Variants in MTSS1 observed in about 807,000 individuals in gnomAD.
The protein encoded by MTSS1 is MTSS I-BAR domain containing 1.
In MTSS1, 18 loss-of-function variants were observed where a neutral mutation model predicts 79.0. The ratio of observed to expected loss-of-function variants is 0.23; its 90% CI spans 0.16 to 0.34. The LOEUF is 0.34. MTSS1 is among the 10% of genes least tolerant of loss of function. The pLI, the probability that MTSS1 is intolerant of heterozygous loss-of-function variation, is 1.00. For missense variants in MTSS1, 815 were observed against 986.2 expected, an observed-to-expected ratio of 0.83 and a Z score of 2.33; for synonymous variants, 341 against 368.6, an observed-to-expected ratio of 0.93 and a Z score of 0.86.
At chr8:124,580,677 T>G in intron 6 of MTSS1, 1 of 1,287,180 alleles carries the variant, frequency 7.8e-7, no homozygotes, top group Admixed American at 2.0e-5. Context: ...TTTCATGTGT[T>G]AAACAGTCCA....
chr8:124,588,627 A>G (rs974897072), intron 5 of MTSS1, among the ~76,000 whole-genome samples: 1 of 152,218 alleles, frequency 6.6e-6, no homozygotes, highest in African/African-American at 2.4e-5. Context: ...GGGTAAGCTT[A>G]TATCATTAAA....
Position 124,704,164 on chromosome 8 carries a change from T to G in MTSS1, c.100A>C (p.Ile34Leu). The change falls in exon 2 of 14, where the codon ATA becomes CTA. Residue 34 changes from isoleucine to leucine, a missense_variant. By Grantham distance (5) the Ile-to-Leu change is conservative (BLOSUM62 2). Transcript: ENST00000518547. ...GACTGCAGCTTTCCTGCTTTGTTTA[T>G]GAAATCTTCCCAAACTGGATAGCTC... is the stretch of plus-strand genomic sequence containing the variant. ...KGSYPVWEDF[I>L]NKAGKLQSQL... is the part of the protein sequence containing the mutation. 6.2e-7 allele frequency: 1 copy of G among 1,614,038 alleles called. No individual in the cohort carries two copies. The highest frequency in any genetic ancestry group is 8.5e-7 in the Non-Finnish European group (1 of 1,179,966).
intron 3 of MTSS1, among the ~76,000 whole-genome samples, chr8:124,595,214 T>C (rs1354061444): frequency 6.6e-6 from 1 of 152,252 alleles, no homozygotes; most frequent in East Asian, 1.9e-4. Context: ...CAAAGTTCTA[T>C]ATTGATTCCT....
chr8:124,657,122 G>T lies in MTSS1; in HGVS notation c.208+42404C>A, dbSNP rs143056568. 3.9e-4 allele frequency among the ~76,000 whole-genome samples: 59 copies of T among 152,320 alleles called. No individual in the cohort carries two copies. The East Asian group carries it at 6.6e-3, about 17-fold the overall frequency. The stretch of plus-strand genomic sequence containing the variant: ...GTTAATTTTGTTAGAAGTGGTAATG[G>T]TATTGTGGTTATGGGTTGGTCTTGT... On this transcript the variant is annotated intron_variant, in intron 3 of 13. Coordinates refer to ENST00000518547, the MANE Select transcript of MTSS1 (RefSeq NM_014751.6).
At chr8:124,577,312 C>T (rs757032282) in intron 6 of MTSS1, among the ~76,000 whole-genome samples, 3 of 152,210 alleles carry the variant, frequency 2.0e-5, no homozygotes, top group Admixed American at 6.5e-5. Flanking sequence ...TGCAGTGGAG[C>T]GATCTCGGCT....
chr8:124,617,356 C>T (rs1217856430), intron 3 of MTSS1, among the ~76,000 whole-genome samples: 3 of 152,136 alleles, frequency 2.0e-5, no homozygotes, highest in Non-Finnish European at 2.9e-5. Flanking sequence ...ATTCAGACCG[C>T]GAGCAGACGT....
At chr8:124,653,666 G>C (rs1820414063) in intron 3 of MTSS1, among the ~76,000 whole-genome samples, 1 of 152,268 alleles carries the variant, frequency 6.6e-6, no homozygotes, top group Non-Finnish European at 1.5e-5. Flanking sequence ...TGAGGTTGCA[G>C]TGAGCCGAGA....
chr8:124,588,840 G>A (rs773866461), intron 5 of MTSS1, among the ~76,000 whole-genome samples: 7 of 151,160 alleles, frequency 4.6e-5, no homozygotes, highest in Admixed American at 6.6e-5. Context: ...TCAGCCTCCC[G>A]AGTAGTTGGG....
rs1261872258 is a variant in MTSS1 at position 124,591,193 on chromosome 8, A to C, written c.251T>G (p.Met84Arg). ...CTTGGCTTCAATGCTTCTGTGCCTC[A>C]TGCACATCCTGGTGAGAGCAGATCC... ...EIGSALTRMCMRHRSIEAKLR... is the reference protein window; with the variant it reads ...EIGSALTRMCRRHRSIEAKLR... Residue 84 changes from methionine (M) to arginine (R), a missense_variant, in exon 4 of 14, where the codon ATG (methionine) becomes AGG (arginine). Met to Arg is a moderately conservative substitution (Grantham distance 91). Around this residue, in one of 2 missense-constraint regions of MTSS1, gnomAD observed 225 missense variants for 365.4 expected, o/e 0.62. Transcript: ENST00000518547. The C allele has an allele frequency of 6.2e-7, 1 of 1,614,240 alleles. No homozygotes were observed. Among genetic ancestry groups the C allele is most frequent in the Admixed American group, 1.7e-5 (1 of 60,026 alleles).
At chr8:124,634,215 T>A (rs1816567904) in intron 3 of MTSS1, among the ~76,000 whole-genome samples, 1 of 151,706 alleles carries the variant, frequency 6.6e-6, no homozygotes, top group South Asian at 2.1e-4. Context: ...GCGCAAGCAA[T>A]CCTCCCACCT....
rs4870903 is a variant in MTSS1 at position 124,557,903 on chromosome 8, G to A, written c.1036-28C>T. The A allele has an allele frequency of 0.72, 1,071,534 of 1,488,946 alleles. 387,522 individuals are homozygous for A. Among genetic ancestry groups the A allele is most frequent in the Non-Finnish European group, 0.73 (803,057 of 1,098,506 alleles). 92.2% of individuals were successfully genotyped at this position (1,488,946 alleles called of 1,614,324 possible). ...GGAAACAAACAAAAAAAGGGGGGGGGAAGGAAAAAAAATTAATATAACAGG... is the reference window on the plus strand; with the variant it reads ...GGAAACAAACAAAAAAAGGGGGGGGAAAGGAAAAAAAATTAATATAACAGG... On this transcript the variant is annotated intron_variant, in intron 10 of 13. Coordinates refer to ENST00000518547, the MANE Select transcript of MTSS1 (RefSeq NM_014751.6).
intron 3 of MTSS1, among the ~76,000 whole-genome samples, chr8:124,662,726 G>T (rs1340611779): frequency 3.3e-5 from 5 of 152,066 alleles, no homozygotes; most frequent in Non-Finnish European, 7.4e-5. Flanking sequence ...GGGGGTGGGA[G>T]AATAAGGCAG....
chr8:124,610,668 G>A (rs1034035703), intron 3 of MTSS1, among the ~76,000 whole-genome samples: 3 of 152,138 alleles, frequency 2.0e-5, no homozygotes, highest in Non-Finnish European at 4.4e-5. Flanking sequence ...CAGGACCAGA[G>A]AACTTGCTCC....
At position 124,562,277 on chromosome 8, in the gene MTSS1, A is replaced by G. The variant is rs115876938; in HGVS notation, c.1035+505T>C. Among the ~76,000 whole-genome samples, 221 of 152,294 alleles carry G rather than the reference A, an allele frequency of 1.5e-3. 3 individuals are homozygous for G. Among genetic ancestry groups the G allele is most frequent in the African/African-American group, 5.2e-3 (216 of 41,556 alleles). On this transcript the variant is annotated intron_variant, in intron 10 of 13. Coordinates refer to ENST00000518547, the MANE Select transcript of MTSS1 (RefSeq NM_014751.6). ...CTTCCCTTCCAGAATCTAAGTGCCAACAGAATTATGTGCAGAAGCTCTGAT... is the reference window on the plus strand; with the variant it reads ...CTTCCCTTCCAGAATCTAAGTGCCAGCAGAATTATGTGCAGAAGCTCTGAT...
Position 124,555,304 on chromosome 8 carries a change from G to A in MTSS1, c.1567+438C>T, listed in dbSNP as rs186735700. ...TCTGTCACCCGGGCTGGAGTGCAGT[G>A]GCGCGATCTCAGCTCACTGCAAGCT... On this transcript the variant is annotated intron_variant, in intron 13 of 13. Transcript: ENST00000518547. Among the ~76,000 whole-genome samples, 215 of 152,118 alleles carry A rather than the reference G, an allele frequency of 1.4e-3. 1 individual carries two copies. The highest frequency in any genetic ancestry group is 3.4e-3 in the Middle Eastern group (1 of 292).
chr8:124,637,748 AG>A (rs941111104), intron 3 of MTSS1, among the ~76,000 whole-genome samples: 6 of 152,140 alleles, frequency 3.9e-5, no homozygotes, highest in African/African-American at 9.7e-5. Context: ...TGTCTAAGTG[AG>A]GGGGGGTAAT....
chr8:124,727,627 C>G lies in MTSS1; in HGVS notation c.72+257G>C. On this transcript the variant is annotated intron_variant, in intron 1 of 13. Transcript: ENST00000518547. This position sits in a 1 kb window ranked among gnomAD's most constrained non-coding sequence, Gnocchi z 4.7. ...AGCCCCCGAGGGAAAGAAATGGTGC[C>G]GCCCCCTGGGACAATGAGCGGGGGA... 1 of 638,588 alleles carries G rather than the reference C, an allele frequency of 1.6e-6. No homozygotes were observed. Among genetic ancestry groups the G allele is most frequent in the Admixed American group, 2.1e-5 (1 of 47,948 alleles). The allele number at this position is 638,588 out of a possible 1,614,324, so 39.6% of individuals were successfully genotyped here.
intron 3 of MTSS1, among the ~76,000 whole-genome samples, chr8:124,663,271 TGACA>T (rs1186330504): frequency 3.9e-5 from 6 of 152,094 alleles, no homozygotes; most frequent in African/African-American, 1.4e-4. Context: ...ACAGACAGAC[TGACA>T]GACACACACG....
At chr8:124,565,091 T>A (rs1230383512) in intron 9 of MTSS1, among the ~76,000 whole-genome samples, 1 of 152,152 alleles carries the variant, frequency 6.6e-6, no homozygotes, top group African/African-American at 2.4e-5. Context: ...TAGACAACAG[T>A]TTTGCAGATG....
Sources: gnomAD v4.1 joint callset for allele counts (sites outside exome capture counted in the v4.1 genomes callset) on GRCh38, gnomAD v4.1.1 for gene constraint, gnomAD v4.1.1 regional missense constraint, Gnocchi (gnomAD v3.1) non-coding constraint, MANE v1.5 for transcripts, NCBI Gene and HGNC (gene_info 2026-07-23, HGNC 2026-07-21) for gene names.